VPS53: variants seen among roughly 807,000 people sequenced by gnomAD.
VPS53 encodes the protein vacuolar protein sorting-associated protein 53 homolog.
VPS53 carries 70 observed loss-of-function variants against 107.0 expected under a neutral mutation model. The ratio of observed to expected loss-of-function variants is 0.65; its 90% CI spans 0.54 to 0.80. The LOEUF (loss-of-function observed/expected upper bound fraction) is 0.80. Among genes scored for constraint, VPS53 ranks in the 30% least tolerant of loss-of-function variants. The pLI is 0.00. For synonymous variants in VPS53, 409 were observed against 393.3 expected (o/e 1.04, Z -0.47); for missense variants, 917 against 1,049.4 (o/e 0.87, Z 1.74).
intron 17 of VPS53, among the ~76,000 whole-genome samples, chr17:550,138 G>C (rs1279869189): frequency 2.0e-5 from 3 of 152,138 alleles, no homozygotes; most frequent in East Asian, 1.9e-4. Context: ...ATGCTGGGAG[G>C]CAGAGATCCA....
intron 12 of VPS53, among the ~76,000 whole-genome samples, chr17:598,230 C>T (rs537357101): frequency 1.1e-4 from 16 of 152,298 alleles, no homozygotes; most frequent in Middle Eastern, 3.4e-3. Context: ...CCCGAGGTGC[C>T]GGGATTGCAG....
intron 9 of VPS53, 82 bp from the exon 10 acceptor site, chr17:627,398 C>T (rs568413661): frequency 4.0e-6 from 6 of 1,486,112 alleles, no homozygotes; most frequent in Admixed American, 4.7e-5. Flanking sequence ...AAACACAGAG[C>T]CAAGCAAAAG....
chr17:599,516 T>G (rs1456285475), intron 12 of VPS53, among the ~76,000 whole-genome samples: 1 of 150,816 alleles, frequency 6.6e-6, no homozygotes, highest in Non-Finnish European at 1.5e-5. Flanking sequence ...TTAAGGGCGG[T>G]GCAAGATGTG....
At chr17:675,118 C>G (rs2143737428) in intron 4 of VPS53, 1 of 152,270 alleles carries the variant, frequency 6.6e-6, no homozygotes, top group South Asian at 2.1e-4. Context: ...AACAGATCAG[C>G]CTTAAAACAG....
intron 13 of VPS53, among the ~76,000 whole-genome samples, chr17:581,791 C>T (rs1967031847): frequency 6.6e-6 from 1 of 151,932 alleles, no homozygotes; most frequent in Non-Finnish European, 1.5e-5. Flanking sequence ...ACAGAAATTC[C>T]CTCAGAACCT....
chr17:621,046 A>G (rs1008253182), intron 11 of VPS53, among the ~76,000 whole-genome samples: 2 of 152,206 alleles, frequency 1.3e-5, no homozygotes, highest in African/African-American at 4.8e-5. Flanking sequence ...AAAATTTCCA[A>G]AAAAACTATA....
At chr17:563,201 A>G (rs1320514450) in intron 13 of VPS53, among the ~76,000 whole-genome samples, 1 of 152,036 alleles carries the variant, frequency 6.6e-6, no homozygotes, top group Non-Finnish European at 1.5e-5. Context: ...AAAACCCTAA[A>G]TCATGATAGT....
chr17:701,087 G>A (rs1567750652), intron 2 of VPS53, among the ~76,000 whole-genome samples: 1 of 152,166 alleles, frequency 6.6e-6, no homozygotes, highest in Non-Finnish European at 1.5e-5. Context: ...ACTTTGGGAG[G>A]CTAAGGTGGG....
At chr17:689,597 G>A (rs898434590) in intron 4 of VPS53, among the ~76,000 whole-genome samples, 4 of 149,954 alleles carry the variant, frequency 2.7e-5, no homozygotes, top group Admixed American at 1.4e-4. Context: ...CCTCAGCCTC[G>A]TGAGTAGCTG....
intron 4 of VPS53, among the ~76,000 whole-genome samples, chr17:671,332 C>CAGGAAAGAAAG (rs779864875): frequency 7.1e-6 from 1 of 140,002 alleles, no homozygotes; most frequent in Non-Finnish European, 1.5e-5. Context: ...AAAAGAGAGA[C>CAGGAAAGAAAG]AGGAAAGAAA....
chr17:585,166 T>TA, intron 13 of VPS53, among the ~76,000 whole-genome samples: 1 of 152,318 alleles, frequency 6.6e-6, no homozygotes, highest in Admixed American at 6.5e-5. Flanking sequence ...AGGTACCACC[T>TA]AAAGCAAGTA....
intron 12 of VPS53, among the ~76,000 whole-genome samples, chr17:598,621 T>C (rs1968122659): frequency 6.9e-6 from 1 of 145,486 alleles, no homozygotes. Context: ...CCGCCCCGTC[T>C]GGGATGTGAG....
chr17:564,929 C>G (rs1323628749), intron 13 of VPS53, among the ~76,000 whole-genome samples: 1 of 152,158 alleles, frequency 6.6e-6, no homozygotes, highest in East Asian at 1.9e-4. Context: ...GGGAAGGGTT[C>G]CCACCACTCC....
At position 670,946 on chromosome 17, in the gene VPS53, C is replaced by T. The variant is rs76289564; in HGVS notation, c.286-9051G>A. 4.6e-3 allele frequency among the ~76,000 whole-genome samples: 699 copies of T among 152,254 alleles called. 7 individuals carry two copies. Among genetic ancestry groups the T allele is most frequent in the African/African-American group, 0.016 (665 of 41,550 alleles). The stretch of plus-strand genomic sequence containing the variant: ...TTCTATTATATGGAAAAGCAACGTG[C>T]TGGGCCAGGTGCAGTGGCTCACGCC... On this transcript the variant is annotated intron_variant, in intron 4 of 21. Transcript: ENST00000437048.
chr17:701,455 G>A (rs970435266), intron 2 of VPS53, among the ~76,000 whole-genome samples: 1 of 151,590 alleles, frequency 6.6e-6, no homozygotes, highest in Non-Finnish European at 1.5e-5. Flanking sequence ...TCGGCTCACT[G>A]CAACCTCCGA....
At chr17:535,836 C>T (rs1910015448) in intron 18 of VPS53, among the ~76,000 whole-genome samples, 2 of 152,152 alleles carry the variant, frequency 1.3e-5, no homozygotes, top group East Asian at 1.9e-4. Context: ...GCTGACACCA[C>T]AAGCCGCTCC....
intron 13 of VPS53, among the ~76,000 whole-genome samples, chr17:564,643 G>A (rs1913322188): frequency 6.6e-6 from 1 of 152,046 alleles, no homozygotes; most frequent in Non-Finnish European, 1.5e-5. Context: ...CTTGAACTCA[G>A]GAGGCGGAGG....
intron 11 of VPS53, among the ~76,000 whole-genome samples, chr17:618,850 C>A (rs530171496): frequency 6.6e-6 from 1 of 151,292 alleles, no homozygotes; most frequent in African/African-American, 2.4e-5. Flanking sequence ...CACCACCACA[C>A]CTGCTAATAT....
intron 13 of VPS53, among the ~76,000 whole-genome samples, chr17:571,359 G>A (rs1914038225): frequency 1.3e-5 from 2 of 152,098 alleles, no homozygotes; most frequent in East Asian, 1.9e-4. Context: ...CGTGTGTGGG[G>A]GAGATAACTA....
Sources: allele counts gnomAD v4.1 joint callset (sites outside exome capture counted in the v4.1 genomes callset), GRCh38; gene constraint gnomAD v4.1.1; transcripts MANE v1.5; gene names NCBI Gene and HGNC (gene_info 2026-07-23, HGNC 2026-07-21).